PEX26: variants seen among roughly 807,000 people sequenced by gnomAD.
PEX26 encodes peroxisome assembly protein 26.
Under a neutral mutation model 31.4 loss-of-function variants are expected in PEX26, and 18 were observed. The observed-to-expected ratio is 0.57, with a 90% CI of 0.40 to 0.85. The LOEUF is 0.85. Among genes scored for constraint, PEX26 ranks in the 40% least tolerant of loss-of-function variants. The probability of loss-of-function intolerance (pLI) is 0.00; values close to 1 mark genes in which losing one functional copy is unlikely to be tolerated. For synonymous variants in PEX26, 176 were observed against 166.9 expected (o/e 1.05, Z -0.42); for missense variants, 377 against 383.9 (o/e 0.98, Z 0.15).
In PEX26 at chr22:18,094,050, C is replaced by T. The variant is rs1030530190; in HGVS notation, c.*5975C>T. Reference sequence around the variant, plus strand: ...AATATTGACCTGAGCTCATATTTAGCTCTACATGTTTCCCAGCTCGTATTT... The same window carrying T: ...AATATTGACCTGAGCTCATATTTAGTTCTACATGTTTCCCAGCTCGTATTT... On this transcript the variant is annotated 3_prime_UTR_variant, in exon 5 of 5. Transcript: ENST00000399744. The T allele has an allele frequency of 4.6e-5, 7 of 152,218 alleles. No homozygotes were observed. The highest frequency in any genetic ancestry group is 1.7e-4 in the African/African-American group (7 of 41,438). The allele number at this position is 152,218 out of a possible 1,614,324, so 9.4% of individuals were successfully genotyped here.
rs1188556353 is a variant in PEX26, at chr22:18,078,223, C to G, written c.-154C>G. ...GCTTTTGCCTCAGATAGGCCCCTTC[C>G]TTTTCCTTCTCGGGGAATCGACCTC... On this transcript the variant is annotated 5_prime_UTR_variant, in exon 1 of 5. Coordinates refer to ENST00000399744, the MANE Select transcript of PEX26 (RefSeq NM_001127649.3). The G allele has an allele frequency of 1.7e-5, 12 of 719,750 alleles. No homozygotes were observed. Among genetic ancestry groups the G allele is most frequent in the Non-Finnish European group, 2.7e-5 (11 of 401,458 alleles). The allele number at this position is 719,750 out of a possible 1,614,324, so 44.6% of individuals were successfully genotyped here.
At position 18,085,098 on chromosome 22, in the gene PEX26, G is replaced by C. The variant is rs1300563552; in HGVS notation, c.668-14G>C. 6.2e-7 allele frequency: 1 copy of C among 1,613,796 alleles called. No individual in the cohort carries two copies. The highest frequency in any genetic ancestry group is 8.5e-7 in the Non-Finnish European group (1 of 1,179,880). ...CATGACATCCCTGAAGCTGTGCTCT[G>C]TCTCCCTGGCCAGGCTCTGTCTCCC... is the stretch of plus-strand genomic sequence containing the variant. On this transcript the variant is annotated splice_polypyrimidine_tract_variant and intron_variant, in intron 3 of 4. Coordinates refer to ENST00000399744, the MANE Select transcript of PEX26 (RefSeq NM_001127649.3).
chr22:18,088,648 C>T lies in PEX26; in HGVS notation c.*573C>T, dbSNP rs116337394. ...ACAAAAATTAGCTAGATGTGGTGCA[C>T]GCCTATAGTCCTAGCTACTTGGGAG... is the stretch of plus-strand genomic sequence containing the variant. On this transcript the variant is annotated 3_prime_UTR_variant, in exon 5 of 5. Coordinates refer to ENST00000399744, the MANE Select transcript of PEX26 (RefSeq NM_001127649.3). This position sits in a 1 kb window ranked among gnomAD's most constrained non-coding sequence, Gnocchi z 4.1. 575 of 198,128 alleles carry T rather than the reference C, an allele frequency of 2.9e-3. 3 individuals carry two copies. Among genetic ancestry groups the T allele is most frequent in the African/African-American group, 0.012 (527 of 42,972 alleles). The allele number at this position is 198,128 out of a possible 1,614,324, so 12.3% of individuals were successfully genotyped here.
rs1009910836 is a variant in PEX26 at position 18,093,574 on chromosome 22, A to T, written c.*5499A>T. The T allele has an allele frequency of 1.3e-4, 20 of 151,196 alleles. No homozygotes were observed. Among genetic ancestry groups the T allele is most frequent in the African/African-American group, 4.9e-4 (20 of 41,078 alleles). The allele number at this position is 151,196 out of a possible 1,614,324, so 9.4% of individuals were successfully genotyped here. The stretch of plus-strand genomic sequence containing the variant: ...CAAGACTCCGTCTTAAAAAAAAAAA[A>T]AACAAAAATAAACCTTTTAAATAAA... On this transcript the variant is annotated 3_prime_UTR_variant, in exon 5 of 5. Transcript: ENST00000399744.
Position 18,078,607 on chromosome 22 carries a change from G to T in PEX26, c.230+1G>T, listed in dbSNP as rs267608190. 7.5e-6 allele frequency: 12 copies of T among 1,597,762 alleles called. No individual in the cohort carries two copies. Among genetic ancestry groups the T allele is most frequent in the Admixed American group, 1.7e-5 (1 of 58,648 alleles). Reference sequence around the variant, plus strand: ...CCGTGGCAGAGGAACCCGCGGGCACGTACGTGCTGGGCTCGGAAATGAACC... The same window carrying T: ...CCGTGGCAGAGGAACCCGCGGGCACTTACGTGCTGGGCTCGGAAATGAACC... On this transcript the variant is annotated splice_donor_variant, in intron 1 of 4. Transcript: ENST00000399744. LOFTEE classifies it high-confidence loss of function.
rs1009699879 is a variant in PEX26 at position 18,101,681 on chromosome 22, G to A, written c.*13606G>A. 1.5e-5 allele frequency: 4 copies of A among 261,278 alleles called. No individual in the cohort carries two copies. The highest frequency in any genetic ancestry group is 7.2e-6 in the Non-Finnish European group (1 of 138,212). The allele number at this position is 261,278 out of a possible 1,614,324, so 16.2% of individuals were successfully genotyped here. Reference sequence around the variant, plus strand: ...TGTGCAATGACTTGTGTCAAAACCCGATCCAGAGCAGCAGTGATGAAATCA... The same window carrying A: ...TGTGCAATGACTTGTGTCAAAACCCAATCCAGAGCAGCAGTGATGAAATCA... On this transcript the variant is annotated 3_prime_UTR_variant, in exon 5 of 5. Coordinates refer to ENST00000399744, the MANE Select transcript of PEX26 (RefSeq NM_001127649.3).
rs1393479142 is a variant in PEX26, at chr22:18,078,144, A to G, written c.-233A>G. ...TAGGGCCAGGTATTCCAGGGATGCA[A>G]GAATCCTGCAAATCTGACGTGTAAA... On this transcript the variant is annotated 5_prime_UTR_variant, in exon 1 of 5. Transcript: ENST00000399744. 1.2e-5 allele frequency: 8 copies of G among 680,286 alleles called. No individual in the cohort carries two copies. The highest frequency in any genetic ancestry group is 2.2e-5 in the Non-Finnish European group (8 of 370,894). The allele number at this position is 680,286 out of a possible 1,614,324, so 42.1% of individuals were successfully genotyped here.
rs1260335444 is a variant in PEX26, at chr22:18,088,200, G to A, written c.*125G>A. 1.3e-6 allele frequency: 1 copy of A among 772,984 alleles called. No individual in the cohort carries two copies. The highest frequency in any genetic ancestry group is 2.5e-5 in the East Asian group (1 of 40,680). The allele number at this position is 772,984 out of a possible 1,614,324, so 47.9% of individuals were successfully genotyped here. On this transcript the variant is annotated 3_prime_UTR_variant, in exon 5 of 5. Coordinates refer to ENST00000399744, the MANE Select transcript of PEX26 (RefSeq NM_001127649.3). The surrounding 1 kb of genome is among the most constrained non-coding windows in gnomAD (Gnocchi z 4.1). Reference sequence around the variant, plus strand: ...CCAGCCTAATCTCGCGGAGTGCACTGTGTCTTGCTGCCTGGGTGCCCTCTC... The same window carrying A: ...CCAGCCTAATCTCGCGGAGTGCACTATGTCTTGCTGCCTGGGTGCCCTCTC...
intron 3 of PEX26, among the ~76,000 whole-genome samples, chr22:18,084,615 A>G (rs951038193): frequency 2.0e-5 from 3 of 152,218 alleles, no homozygotes; most frequent in African/African-American, 7.2e-5. Flanking sequence ...TATAGTCAAA[A>G]TAAGTAATAA....
chr22:18,085,541 A>C (rs1323194239), intron 4 of PEX26, among the ~76,000 whole-genome samples: 1 of 152,112 alleles, frequency 6.6e-6, no homozygotes, highest in Non-Finnish European at 1.5e-5. Flanking sequence ...CACTTTTTCT[A>C]GGGCTGAACT....
At position 18,102,540 on chromosome 22, in the gene PEX26, G is replaced by C. The variant is rs1201486115; in HGVS notation, c.*14465G>C. The C allele has an allele frequency of 6.5e-6, 1 of 153,324 alleles. No homozygotes were observed. Among genetic ancestry groups the C allele is most frequent in the Non-Finnish European group, 1.5e-5 (1 of 68,218 alleles). The allele number at this position is 153,324 out of a possible 1,614,324, so 9.5% of individuals were successfully genotyped here. A position where few individuals can be genotyped will look rare whatever the true frequency, so the allele number is the denominator to read the frequency against. On this transcript the variant is annotated 3_prime_UTR_variant, in exon 5 of 5. Transcript: ENST00000399744. The stretch of plus-strand genomic sequence containing the variant: ...ACCGCTAAACTATCGCTTAGGTCTA[G>C]TCCCCGGCCTATGGCACCAAGTACT...
rs763990737 is a variant in PEX26 at position 18,088,122 on chromosome 22, C to T, written c.*47C>T. ...TCTCTGCTCCTCACGTCCGTGGCCA[C>T]AGAAGCAGAGCGACAGAGCGACACA... On this transcript the variant is annotated 3_prime_UTR_variant, in exon 5 of 5. Transcript: ENST00000399744. This position sits in a 1 kb window ranked among gnomAD's most constrained non-coding sequence, Gnocchi z 4.1. The T allele has an allele frequency of 2.3e-6, 3 of 1,290,644 alleles. No homozygotes were observed. In the Admixed American group the frequency reaches 5.0e-5, roughly 22 times the overall value. The allele number at this position is 1,290,644 out of a possible 1,614,324, so 79.9% of individuals were successfully genotyped here.
In PEX26 at chr22:18,088,514, C is replaced by G. The variant is rs148217514; in HGVS notation, c.*439C>G. 1.3e-3 allele frequency: 424 copies of G among 317,162 alleles called. 6 individuals are homozygous for G. The highest frequency in any genetic ancestry group is 4.7e-3 in the Middle Eastern group (4 of 860). The allele number at this position is 317,162 out of a possible 1,614,324, so 19.6% of individuals were successfully genotyped here. On this transcript the variant is annotated 3_prime_UTR_variant, in exon 5 of 5. Coordinates refer to ENST00000399744, the MANE Select transcript of PEX26 (RefSeq NM_001127649.3). The surrounding 1 kb of genome is among the most constrained non-coding windows in gnomAD (Gnocchi z 4.1). ...TACTTCTTTGCTGGGCATGGTGACTCACGCCTGTAATCCCAGCACTTTGGA... is the reference window on the plus strand; with the variant it reads ...TACTTCTTTGCTGGGCATGGTGACTGACGCCTGTAATCCCAGCACTTTGGA...
chr22:18,078,346 T>G lies in PEX26; in HGVS notation c.-31T>G. The G allele has an allele frequency of 6.6e-7, 1 of 1,524,756 alleles. No individual in the cohort carries two copies. Among genetic ancestry groups the G allele is most frequent in the Non-Finnish European group, 9.0e-7 (1 of 1,109,564 alleles). 94.5% of individuals were successfully genotyped at this position (1,524,756 alleles called of 1,614,324 possible). A position where few individuals can be genotyped will look rare whatever the true frequency, so the allele number is the denominator to read the frequency against. ...CTGGGGAGGCGGTCACTCCGACGTCTGAGGACCTGGGCCTTGGACCCGGAC... is the reference window on the plus strand; with the variant it reads ...CTGGGGAGGCGGTCACTCCGACGTCGGAGGACCTGGGCCTTGGACCCGGAC... On this transcript the variant is annotated 5_prime_UTR_variant, in exon 1 of 5. The change abolishes the stop of an existing upstream ORF in the 5' untranslated region. Coordinates refer to ENST00000399744, the MANE Select transcript of PEX26 (RefSeq NM_001127649.3).
intron 1 of PEX26, among the ~76,000 whole-genome samples, chr22:18,079,630 G>A (rs1926465604): frequency 6.6e-6 from 1 of 152,128 alleles, no homozygotes; most frequent in Non-Finnish European, 1.5e-5. Flanking sequence ...GATTTCACCT[G>A]GATACAAAGA....
intron 2 of PEX26, among the ~76,000 whole-genome samples, 184 bp downstream of exon 2, chr22:18,080,198 G>A (rs1926500741): frequency 6.6e-6 from 1 of 152,094 alleles, no homozygotes; most frequent in African/African-American, 2.4e-5. Flanking sequence ...GAATTTAGGA[G>A]TAGAATAGAT....
Position 18,088,095 on chromosome 22 carries a change from C to T in PEX26, c.*20C>T, listed in dbSNP as rs779201033. 9 of 1,453,918 alleles carry T rather than the reference C, an allele frequency of 6.2e-6. No homozygotes were observed. Among genetic ancestry groups the T allele is most frequent in the Non-Finnish European group, 7.7e-6 (8 of 1,036,476 alleles). 90.1% of individuals were successfully genotyped at this position (1,453,918 alleles called of 1,614,324 possible). A position where few individuals can be genotyped will look rare whatever the true frequency, so the allele number is the denominator to read the frequency against. On this transcript the variant is annotated 3_prime_UTR_variant, in exon 5 of 5. Transcript: ENST00000399744. This position sits in a 1 kb window ranked among gnomAD's most constrained non-coding sequence, Gnocchi z 4.1. ...GACTGAGGGTCCCTGCGCACCACAG[C>T]CTCTCTGCTCCTCACGTCCGTGGCC... is the stretch of plus-strand genomic sequence containing the variant.
At chr22:18,080,804 C>T (rs561512517) in intron 2 of PEX26, among the ~76,000 whole-genome samples, 6 of 152,122 alleles carry the variant, frequency 3.9e-5, no homozygotes, top group Non-Finnish European at 5.9e-5. Flanking sequence ...GCCTCTCTTC[C>T]GGCTATTTTA....
chr22:18,087,076 C>G (rs1926870921), intron 4 of PEX26, among the ~76,000 whole-genome samples: 1 of 151,738 alleles, frequency 6.6e-6, no homozygotes, highest in Non-Finnish European at 1.5e-5. Flanking sequence ...CCATGCCCGG[C>G]TAATTTTTTA....
Sources: allele counts gnomAD v4.1 joint callset (sites outside exome capture counted in the v4.1 genomes callset), GRCh38; gene constraint gnomAD v4.1.1; non-coding constraint Gnocchi (gnomAD v3.1); transcripts MANE v1.5; gene names NCBI Gene and HGNC (gene_info 2026-07-23, HGNC 2026-07-21).